Variants in NRG1 observed in about 807,000 individuals in gnomAD.
NRG1 encodes the protein pro-neuregulin-1, membrane-bound isoform.
In NRG1, 18 loss-of-function variants were observed where a neutral mutation model predicts 63.8. The observed-to-expected ratio is 0.28, with a 90% CI of 0.19 to 0.42. The LOEUF (loss-of-function observed/expected upper bound fraction) is 0.42, where lower values mean the gene tolerates loss of function less well. NRG1 is among the 10% of genes least tolerant of loss of function. NRG1 has a pLI of 1.00. For synonymous variants in NRG1, 302 were observed against 301.3 expected (o/e 1.00, Z -0.02); for missense variants, 762 against 814.7 (o/e 0.94, Z 0.79).
At chr8:31,845,374 T>C (rs575553946) in intron 1 of NRG1, among the ~76,000 whole-genome samples, 1 of 152,262 alleles carries the variant, frequency 6.6e-6, no homozygotes, top group Admixed American at 6.5e-5. Flanking sequence ...TTAAAATGGG[T>C]CCTCTTTACA....
chr8:32,570,632 A>AT (rs1047890532), intron 1 of NRG1, among the ~76,000 whole-genome samples: 4 of 152,138 alleles, frequency 2.6e-5, no homozygotes, highest in African/African-American at 9.7e-5. Flanking sequence ...AAATCAGAAT[A>AT]TTTTCAAATG....
intron 1 of NRG1, among the ~76,000 whole-genome samples, chr8:32,242,020 T>A (rs983838117): frequency 1.4e-4 from 21 of 152,174 alleles, no homozygotes; most frequent in Admixed American, 6.5e-5. Flanking sequence ...CCTAGAGTGT[T>A]GGGATTACAG....
intron 1 of NRG1, among the ~76,000 whole-genome samples, chr8:31,777,683 G>A (rs1329091560): frequency 6.6e-6 from 1 of 152,206 alleles, no homozygotes; most frequent in East Asian, 1.9e-4. Flanking sequence ...ATCTGCTTCT[G>A]ATGAGGGCCT....
intron 5 of NRG1, among the ~76,000 whole-genome samples, chr8:32,702,432 G>A (rs1360590972): frequency 2.6e-5 from 4 of 152,246 alleles, no homozygotes; most frequent in African/African-American, 4.8e-5. Context: ...TGTGTTGGTA[G>A]AGATTGGCTT....
intron 1 of NRG1, among the ~76,000 whole-genome samples, chr8:31,672,104 G>T (rs1428997611): frequency 6.6e-6 from 1 of 152,102 alleles, no homozygotes; most frequent in African/African-American, 2.4e-5. Flanking sequence ...TGTGAGAAAT[G>T]TTTCCTATCT....
intron 1 of NRG1, among the ~76,000 whole-genome samples, chr8:32,450,205 C>A (rs1345186369): frequency 6.6e-6 from 1 of 152,126 alleles, no homozygotes; most frequent in Non-Finnish European, 1.5e-5. Context: ...ATTTCATCTC[C>A]TTTAATTTAC....
chr8:32,203,574 C>A (rs569569325), intron 1 of NRG1, among the ~76,000 whole-genome samples: 38 of 152,084 alleles, frequency 2.5e-4, no homozygotes, highest in African/African-American at 8.9e-4. Context: ...GTTGGCCAGG[C>A]TGGTCTCGAA....
intron 6 of NRG1, among the ~76,000 whole-genome samples, chr8:32,739,237 T>G (rs1178492743): frequency 6.6e-6 from 1 of 152,154 alleles, no homozygotes; most frequent in East Asian, 1.9e-4. Context: ...TGAACTTTAA[T>G]CTACATCCAC....
At chr8:32,492,477 C>T (rs1826711154) in intron 1 of NRG1, among the ~76,000 whole-genome samples, 1 of 150,034 alleles carries the variant, frequency 6.7e-6, no homozygotes, top group Non-Finnish European at 1.5e-5. Flanking sequence ...TCTCTCAATA[C>T]ATTCCAGATC....
At position 32,614,582 on chromosome 8, in the gene NRG1, G is replaced by A; in HGVS notation, c.451+18G>A. Reference sequence around the variant, plus strand: ...GTCTTCAGGTAAGGAAAATAAGCCTGGCAAATTTTACTAACCAGAATGACA... The same window carrying A: ...GTCTTCAGGTAAGGAAAATAAGCCTAGCAAATTTTACTAACCAGAATGACA... On this transcript the variant is annotated intron_variant, in intron 4 of 11. Coordinates refer to ENST00000356819, the Ensembl canonical transcript of NRG1. The A allele has an allele frequency of 1.2e-6, 2 of 1,609,638 alleles. No homozygotes were observed. Among genetic ancestry groups the A allele is most frequent in the Non-Finnish European group, 1.7e-6 (2 of 1,176,908 alleles).
intron 1 of NRG1, among the ~76,000 whole-genome samples, chr8:32,214,047 G>T (rs1296169959): frequency 6.6e-6 from 1 of 152,204 alleles, no homozygotes; most frequent in Non-Finnish European, 1.5e-5. Flanking sequence ...TTATGTGGAT[G>T]CCTGTGGTTC....
At chr8:32,759,772 G>C (rs573000891) in intron 10 of NRG1, among the ~76,000 whole-genome samples, 74 of 152,260 alleles carry the variant, frequency 4.9e-4, no homozygotes, top group Non-Finnish European at 8.8e-4. Context: ...AAATGCACAT[G>C]AGAATTGGTT....
At chr8:32,015,263 G>T (rs935327606) in intron 1 of NRG1, among the ~76,000 whole-genome samples, 1 of 152,118 alleles carries the variant, frequency 6.6e-6, no homozygotes, top group Non-Finnish European at 1.5e-5. Flanking sequence ...GCTAAATAGT[G>T]TAGTAGCCAT....
chr8:31,990,075 G>A (rs1810797592), intron 1 of NRG1, among the ~76,000 whole-genome samples: 1 of 152,204 alleles, frequency 6.6e-6, no homozygotes, highest in Non-Finnish European at 1.5e-5. Context: ...CCTCCAAGAA[G>A]TTAACGGTAC....
chr8:32,403,996 A>G lies in NRG1; in HGVS notation c.38-191832A>G, dbSNP rs182024696. Among the ~76,000 whole-genome samples the G allele has an allele frequency of 6.8e-4, 103 of 152,328 alleles. 2 individuals carry two copies. The highest frequency in any genetic ancestry group is 1.5e-3 in the Admixed American group (23 of 15,300). On this transcript the variant is annotated intron_variant, in intron 1 of 10. Transcript: ENST00000519301. The stretch of plus-strand genomic sequence containing the variant: ...AAAAACAAAAAACAAATGTTCACCT[A>G]CTATATGCATTACCATGCACCTTAC...
At chr8:31,910,908 A>G (rs1832885667) in intron 1 of NRG1, among the ~76,000 whole-genome samples, 1 of 152,190 alleles carries the variant, frequency 6.6e-6, no homozygotes, top group African/African-American at 2.4e-5. Flanking sequence ...AGAAGTCAAT[A>G]CAAAGAAGGC....
chr8:32,486,627 ATTT>A (rs1554557143), intron 1 of NRG1, among the ~76,000 whole-genome samples: 5 of 145,518 alleles, frequency 3.4e-5, no homozygotes, highest in Non-Finnish European at 7.5e-5. Context: ...GAATTGCTGG[ATTT>A]TTTTTTTTTT....
intron 1 of NRG1, among the ~76,000 whole-genome samples, chr8:32,495,614 C>T (rs1285165114): frequency 3.3e-5 from 5 of 152,188 alleles, no homozygotes; most frequent in African/African-American, 7.2e-5. Flanking sequence ...AGGCGCTCGC[C>T]ACCACGCCCA....
chr8:31,655,061 T>C (rs11780145), intron 1 of NRG1, among the ~76,000 whole-genome samples: 62,641 of 152,186 alleles, frequency 0.41, 13,797 homozygotes, highest in Non-Finnish European at 0.49. Context: ...ATTATTATAG[T>C]TGCCATTCTT....
Sources: allele counts gnomAD v4.1 joint callset (sites outside exome capture counted in the v4.1 genomes callset), GRCh38; gene constraint gnomAD v4.1.1; transcripts MANE v1.5; gene names NCBI Gene and HGNC (gene_info 2026-07-23, HGNC 2026-07-21).